The following EPHA5 variants were observed in gnomAD, a reference collection of about 807,000 sequenced individuals.
EPHA5 encodes the protein ephrin type-A receptor 5.
In EPHA5, 60 loss-of-function variants were observed where a neutral mutation model predicts 105.0. The ratio of observed to expected loss-of-function variants is 0.57; its 90% confidence interval spans 0.46 to 0.71. The LOEUF is 0.71. EPHA5 is among the 30% of genes least tolerant of loss of function. The pLI, the probability that EPHA5 is intolerant of heterozygous loss-of-function variation, is 0.00. For missense variants in EPHA5, 1,218 were observed against 1,274.7 expected (o/e 0.96, Z 0.68); for synonymous variants, 513 against 449.1 (o/e 1.14, Z -1.80).
intron 2 of EPHA5, among the ~76,000 whole-genome samples, chr4:65,639,286 T>C (rs1747429893): frequency 1.3e-5 from 2 of 152,340 alleles, no homozygotes; most frequent in African/African-American, 2.4e-5. Context: ...ATTTTGATCA[T>C]TTATAGTTGC....
At chr4:65,449,549 A>T (rs1335411250) in intron 5 of EPHA5, among the ~76,000 whole-genome samples, 1 of 152,204 alleles carries the variant, frequency 6.6e-6, no homozygotes, top group African/African-American at 2.4e-5. Flanking sequence ...GGAAGAATGG[A>T]CAAACTGTCG....
chr4:65,329,762 T>C (rs190933809), intron 16 of EPHA5, among the ~76,000 whole-genome samples: 1 of 151,280 alleles, frequency 6.6e-6, no homozygotes, highest in East Asian at 2.0e-4. Flanking sequence ...CTATTTCTTT[T>C]GCTGATAATC....
chr4:65,421,857 C>A (rs973670893), intron 5 of EPHA5, among the ~76,000 whole-genome samples: 1 of 151,970 alleles, frequency 6.6e-6, no homozygotes, highest in Non-Finnish European at 1.5e-5. Flanking sequence ...GAATGAATGG[C>A]AAATTCATAT....
At chr4:65,492,176 A>T (rs767385570) in intron 4 of EPHA5, among the ~76,000 whole-genome samples, 4 of 152,120 alleles carry the variant, frequency 2.6e-5, no homozygotes, top group Non-Finnish European at 5.9e-5. Flanking sequence ...GCTAATTGGC[A>T]TTTAAGATTT....
intron 2 of EPHA5, among the ~76,000 whole-genome samples, chr4:65,610,064 C>T (rs1744618868): frequency 6.6e-6 from 1 of 151,858 alleles, no homozygotes; most frequent in Non-Finnish European, 1.5e-5. Flanking sequence ...CTATTCACAA[C>T]AGCAAAGACA....
At chr4:65,324,883 A>ATT (rs143851713) in intron 16 of EPHA5, among the ~76,000 whole-genome samples, 1 of 150,290 alleles carries the variant, frequency 6.7e-6, no homozygotes. Context: ...ACTTCTGTGC[A>ATT]TTTTTTTCAA....
intron 5 of EPHA5, among the ~76,000 whole-genome samples, chr4:65,473,988 G>A (rs886111207): frequency 1.3e-5 from 2 of 150,648 alleles, no homozygotes; most frequent in African/African-American, 4.9e-5. Flanking sequence ...CTTGGACACA[G>A]GAAGGGGGAC....
intron 8 of EPHA5, among the ~76,000 whole-genome samples, chr4:65,382,153 A>G (rs1387928408): frequency 6.6e-6 from 1 of 151,812 alleles, no homozygotes; most frequent in African/African-American, 2.4e-5. Context: ...AACAAAAACT[A>G]ATTCACATTA....
chr4:65,387,824 T>G (rs986596860), intron 8 of EPHA5, among the ~76,000 whole-genome samples: 1 of 152,000 alleles, frequency 6.6e-6, no homozygotes, highest in African/African-American at 2.4e-5. Flanking sequence ...CTCATTCTTT[T>G]TTTTTATTAT....
At chr4:65,358,001 G>T (rs1472645147) in intron 11 of EPHA5, among the ~76,000 whole-genome samples, 1 of 151,298 alleles carries the variant, frequency 6.6e-6, no homozygotes, top group Non-Finnish European at 1.5e-5. Context: ...GGGGAATGTT[G>T]ATCTAGTCCT....
At chr4:65,622,568 A>T (rs1745795653) in intron 2 of EPHA5, among the ~76,000 whole-genome samples, 1 of 152,118 alleles carries the variant, frequency 6.6e-6, no homozygotes, top group Non-Finnish European at 1.5e-5. Context: ...TATTTCACAA[A>T]ACCAAATTTG....
At chr4:65,428,220 A>C (rs926003856) in intron 5 of EPHA5, among the ~76,000 whole-genome samples, 6 of 152,128 alleles carry the variant, frequency 3.9e-5, no homozygotes, top group Non-Finnish European at 7.4e-5. Flanking sequence ...ACTTATTCAA[A>C]ATTATTAACA....
intron 14 of EPHA5, among the ~76,000 whole-genome samples, chr4:65,346,772 CAAAT>C (rs1398926670): frequency 6.6e-5 from 10 of 152,080 alleles, no homozygotes; most frequent in African/African-American, 2.4e-4. Context: ...AGAACTTAAA[CAAAT>C]TTACAAGAAA....
At chr4:65,637,562 A>C (rs1452426111) in intron 2 of EPHA5, among the ~76,000 whole-genome samples, 5 of 103,746 alleles carry the variant, frequency 4.8e-5, no homozygotes, top group Non-Finnish European at 9.6e-5. Context: ...CACAAATATG[A>C]GTTTTGCATA....
At chr4:65,414,003 A>T (rs556797345) in intron 7 of EPHA5, among the ~76,000 whole-genome samples, 6 of 152,358 alleles carry the variant, frequency 3.9e-5, no homozygotes, top group African/African-American at 1.4e-4. Context: ...GTATGGCAGC[A>T]GTAGAAAGAA....
chr4:65,392,484 T>C (rs1057164650), intron 8 of EPHA5, among the ~76,000 whole-genome samples: 8 of 152,158 alleles, frequency 5.3e-5, no homozygotes, highest in Non-Finnish European at 1.2e-4. Context: ...ATTCTGAAAC[T>C]ATACAAGCCT....
chr4:65,360,075 CA>C (rs1401341372), intron 11 of EPHA5, among the ~76,000 whole-genome samples: 3 of 151,596 alleles, frequency 2.0e-5, no homozygotes, highest in African/African-American at 7.3e-5. Flanking sequence ...AGTCTGCCTC[CA>C]AATGTCTGTA....
At chr4:65,585,349 A>T (rs956721930) in intron 3 of EPHA5, among the ~76,000 whole-genome samples, 2 of 151,892 alleles carry the variant, frequency 1.3e-5, no homozygotes, top group Non-Finnish European at 2.9e-5. Context: ...AAGTAGTAAG[A>T]ATTGGAGAAA....
chr4:65,635,668 CA>C (rs1292982980), intron 2 of EPHA5, among the ~76,000 whole-genome samples: 5 of 152,080 alleles, frequency 3.3e-5, no homozygotes, highest in Non-Finnish European at 7.4e-5. Flanking sequence ...AACACCAAAC[CA>C]TTAATTTTAT....
Sources: gnomAD v4.1 joint callset for allele counts (sites outside exome capture counted in the v4.1 genomes callset) on GRCh38, gnomAD v4.1.1 for gene constraint, MANE v1.5 for transcripts, NCBI Gene and HGNC (gene_info 2026-07-23, HGNC 2026-07-21) for gene names.